The following RANBP2 variants were observed in gnomAD, a reference collection of about 807,000 sequenced individuals.
RANBP2 encodes the protein RAN binding protein 2.
In RANBP2, 57 loss-of-function variants were observed where a neutral mutation model predicts 303.6. That is an observed-to-expected ratio of 0.19 (90% CI 0.15 to 0.23). The LOEUF (loss-of-function observed/expected upper bound fraction) is 0.23, where lower values mean the gene tolerates loss of function less well. Among genes scored for constraint, RANBP2 ranks in the 10% least tolerant of loss-of-function variants. The pLI is 1.00. For synonymous variants in RANBP2, 1,167 were observed against 1,301.5 expected, an observed-to-expected ratio of 0.90 and a Z score of 2.23; for missense variants, 3,138 against 3,780.8, an observed-to-expected ratio of 0.83 and a Z score of 4.46.
chr2:109,447,147 TAAAAAAAAAAAA>T, the RANBP2 span, among the ~76,000 whole-genome samples: 1 of 82,704 alleles, frequency 1.2e-5, no homozygotes, highest in African/African-American at 3.8e-5. Context: ...CCTGAATATT[TAAAAAAAAAAAA>T]AAAAAAAAAG....
At chr2:108,739,600 C>A (rs576560167) in intron 6 of RANBP2, among the ~76,000 whole-genome samples, 3 of 152,260 alleles carry the variant, frequency 2.0e-5, no homozygotes, top group African/African-American at 7.2e-5. Flanking sequence ...TCATGCTTCA[C>A]GTTTAAGTGT....
At chr2:108,946,218 A>G in the RANBP2 span, among the ~76,000 whole-genome samples, 9 of 152,294 alleles carry the variant, frequency 5.9e-5, no homozygotes, top group East Asian at 1.5e-3. Flanking sequence ...ATGACTGGGT[A>G]TACTCAGCCT....
chr2:109,350,676 G>T, the RANBP2 span, among the ~76,000 whole-genome samples: 1 of 152,140 alleles, frequency 6.6e-6, no homozygotes, highest in Non-Finnish European at 1.5e-5. Context: ...CGGTGGGTCC[G>T]ACCCACCTTA....
At chr2:109,431,883 G>T in the RANBP2 span, among the ~76,000 whole-genome samples, 1 of 152,078 alleles carries the variant, frequency 6.6e-6, no homozygotes, top group Non-Finnish European at 1.5e-5. Flanking sequence ...AAAAAAAAAG[G>T]TCAAGTAATT....
At chr2:109,652,248 AGTCTCG>A in the RANBP2 span, among the ~76,000 whole-genome samples, 1 of 147,804 alleles carries the variant, frequency 6.8e-6, no homozygotes, top group South Asian at 2.1e-4. Flanking sequence ...TTTGAGACGG[AGTCTCG>A]CTCTGTCACT....
chr2:109,249,493 CTT>C, the RANBP2 span, among the ~76,000 whole-genome samples: 14 of 24,116 alleles, frequency 5.8e-4, no homozygotes, highest in African/African-American at 4.4e-3. Flanking sequence ...TTCTTTCTTT[CTT>C]TCTTTCTTTC....
chr2:109,703,476 TG>T, the RANBP2 span, among the ~76,000 whole-genome samples: 5 of 152,358 alleles, frequency 3.3e-5, no homozygotes, highest in African/African-American at 9.6e-5. Flanking sequence ...TCGCCCAGGC[TG>T]GAGTGCAATG....
At chr2:109,585,472 C>A in the RANBP2 span, 1 of 699,236 alleles carries the variant, frequency 1.4e-6, no homozygotes, top group Non-Finnish European at 2.4e-6. Context: ...TCCCCCAAGT[C>A]ATTAGCAGAG....
In RANBP2 at chr2:108,740,571, T is replaced by G; in HGVS notation, c.865T>G (p.Phe289Val). Residue 289 changes from phenylalanine to valine, a missense_variant, in exon 7 of 29, where the codon TTC becomes GTC. Physicochemically the swap from Phe to Val is conservative, Grantham distance 50 (BLOSUM62 -1). Coordinates refer to ENST00000283195, the MANE Select transcript of RANBP2 (RefSeq NM_006267.5). ...SATFLEMKGH[F>V]YMHAGSLLLK... ...TACTTTCTTAGAAATGAAAGGACAT[T>G]TCTACATGCATGCTGGTTCTCTGCT... 1 of 1,597,574 alleles carries G rather than the reference T, an allele frequency of 6.3e-7. No homozygotes were observed. Among genetic ancestry groups the G allele is most frequent in the Non-Finnish European group, 8.5e-7 (1 of 1,179,782 alleles).
At chr2:108,831,273 C>A in the RANBP2 span, among the ~76,000 whole-genome samples, 2 of 152,070 alleles carry the variant, frequency 1.3e-5, no homozygotes, top group Admixed American at 1.3e-4. Flanking sequence ...TGATCTTAAA[C>A]GTTGAAAGGA....
the RANBP2 span, among the ~76,000 whole-genome samples, chr2:108,929,591 A>G: frequency 1.3e-5 from 2 of 152,146 alleles, no homozygotes; most frequent in African/African-American, 4.8e-5. Flanking sequence ...CAGGCTCCAG[A>G]TGCTGCCCCT....
chr2:108,810,912 G>A, the RANBP2 span, among the ~76,000 whole-genome samples: 9 of 152,008 alleles, frequency 5.9e-5, no homozygotes, highest in African/African-American at 1.7e-4. Flanking sequence ...TCAGTCTTAC[G>A]TTATATGTGC....
the RANBP2 span, among the ~76,000 whole-genome samples, chr2:108,863,824 A>C: frequency 6.6e-6 from 1 of 152,242 alleles, no homozygotes. Flanking sequence ...ACAGGGACCT[A>C]ATGAACTAAC....
At position 108,754,970 on chromosome 2, in the gene RANBP2, T is replaced by C. The variant is rs1573780904; in HGVS notation, c.2268T>C (p.Tyr756=). 6.2e-7 allele frequency: 1 copy of C among 1,611,902 alleles called. No homozygotes were observed. Among genetic ancestry groups the C allele is most frequent in the Non-Finnish European group, 8.5e-7 (1 of 1,179,816 alleles). The change falls in exon 16 of 29, where the codon TAT becomes TAC. Residue 756 remains tyrosine, a synonymous_variant. Transcript: ENST00000283195. ...LNSVMQELED[Y]SEGGPLYKNG... is the part of the protein sequence containing the mutation. ...CAGTCATGCAGGAACTCGAAGACTATAGTGAAGGAGGTCCTCTCTATAAAA... is the reference window on the plus strand; with the variant it reads ...CAGTCATGCAGGAACTCGAAGACTACAGTGAAGGAGGTCCTCTCTATAAAA...
chr2:109,403,375 A>C, the RANBP2 span, among the ~76,000 whole-genome samples: 2 of 152,000 alleles, frequency 1.3e-5, no homozygotes, highest in Admixed American at 6.5e-5. Flanking sequence ...GGCCCACCTC[A>C]CCCCACAGTG....
the RANBP2 span, among the ~76,000 whole-genome samples, chr2:109,475,027 G>T: frequency 1.3e-5 from 2 of 152,174 alleles, no homozygotes; most frequent in African/African-American, 4.8e-5. Context: ...CACCAGGCTG[G>T]AGTGCAGTGG....
the RANBP2 span, among the ~76,000 whole-genome samples, chr2:109,459,511 G>A: frequency 1.3e-4 from 20 of 152,226 alleles, no homozygotes; most frequent in East Asian, 1.9e-3. Flanking sequence ...CAGTCACGGG[G>A]CATTGTGATT....
the RANBP2 span, among the ~76,000 whole-genome samples, chr2:108,875,338 A>C: frequency 1.9e-5 from 2 of 103,014 alleles, no homozygotes; most frequent in African/African-American, 6.0e-5. Context: ...AAAAAAAAAG[A>C]AACAAATTCT....
At chr2:109,547,766 A>G in the RANBP2 span, among the ~76,000 whole-genome samples, 1 of 152,322 alleles carries the variant, frequency 6.6e-6, no homozygotes, top group African/African-American at 2.4e-5. Flanking sequence ...AAAAGAAAAC[A>G]TCTATCTAAC....
Sources: gnomAD v4.1 joint callset for allele counts (sites outside exome capture counted in the v4.1 genomes callset) on GRCh38, gnomAD v4.1.1 for gene constraint, MANE v1.5 for transcripts, NCBI Gene and HGNC (gene_info 2026-07-23, HGNC 2026-07-21) for gene names.